DNAH17: variants seen among roughly 807,000 people sequenced by gnomAD.
DNAH17 encodes axonemal beta dynein heavy chain 17.
In DNAH17, 376 loss-of-function variants were observed where a neutral mutation model predicts 485.6. The ratio of observed to expected loss-of-function variants is 0.77; its 90% CI spans 0.71 to 0.84. The LOEUF (loss-of-function observed/expected upper bound fraction) is 0.84. DNAH17 is among the 40% of genes least tolerant of loss of function. DNAH17 has a pLI of 0.00. For synonymous variants in DNAH17, 3,031 were observed against 2,405.9 expected (o/e 1.26, Z -7.60); for missense variants, 6,370 against 5,839.3 (o/e 1.09, Z -2.96).
intron 25 of DNAH17, among the ~76,000 whole-genome samples, chr17:78,518,952 A>ACTGC: frequency 6.6e-6 from 1 of 152,028 alleles, no homozygotes; most frequent in South Asian, 2.1e-4. Flanking sequence ...GCTGATCACA[A>ACTGC]GGTCAGGAGA....
chr17:78,457,991 A>G (rs1382439088), intron 62 of DNAH17, among the ~76,000 whole-genome samples: 3 of 151,194 alleles, frequency 2.0e-5, no homozygotes, highest in Non-Finnish European at 2.9e-5. Context: ...TTTTAGTAAG[A>G]TGGGGTTTCG....
At chr17:78,532,757 G>C (rs1326451839) in intron 19 of DNAH17, 21 bp from the exon 20 acceptor site, 2 of 1,552,168 alleles carry the variant, frequency 1.3e-6, no homozygotes, top group Non-Finnish European at 8.7e-7. Context: ...CAGGGGAGAA[G>C]CAAAAAGGGG....
intron 59 of DNAH17, 38 bp from the exon 60 acceptor site, chr17:78,460,039 G>A (rs778744462): frequency 9.3e-6 from 15 of 1,608,966 alleles, no homozygotes; most frequent in Non-Finnish European, 1.3e-5. Flanking sequence ...ATGGGAGTTT[G>A]GACCGGGTCC....
chr17:78,475,394 G>A lies in DNAH17; in HGVS notation c.8395C>T (p.Leu2799=), dbSNP rs767990092. Reference sequence around the variant, plus strand: ...TTGCCACTGCCGCCCACCCCCACCAGCAGGGCATTCCCCCGGGGAGACTCC... The same window carrying A: ...TTGCCACTGCCGCCCACCCCCACCAACAGGGCATTCCCCCGGGGAGACTCC... ...ILESPRGNAL[L]VGVGGSGKQS... is the part of the protein sequence containing the mutation. Residue 2799 remains leucine (L), a synonymous_variant, in exon 54 of 81, where the codon CTG becomes TTG. Transcript: ENST00000389840. 34 of 1,613,894 alleles carry A rather than the reference G, an allele frequency of 2.1e-5. No individual in the cohort carries two copies. The South Asian group carries it at 3.6e-4, about 17-fold the overall frequency.
At chr17:78,565,401 G>A (rs1399884266) in intron 11 of DNAH17, among the ~76,000 whole-genome samples, 1 of 152,236 alleles carries the variant, frequency 6.6e-6, no homozygotes, top group Non-Finnish European at 1.5e-5. Flanking sequence ...AAACTCTCAT[G>A]TATTTGCATT....
chr17:78,429,008 T>C, intron 76 of DNAH17, 113 bp downstream of exon 76: 1 of 1,163,948 alleles, frequency 8.6e-7, no homozygotes, highest in East Asian at 2.4e-5. Context: ...CTCTCTTATT[T>C]TGGCTGCCTG....
chr17:78,466,762 A>G lies in DNAH17; in HGVS notation c.8833T>C (p.Phe2945Leu). ...GSVLRVRARKFPAVVNCTAID... is the reference protein window; with the variant it reads ...GSVLRVRARKLPAVVNCTAID... ...GCCGTGCAGTTGACCACAGCTGGGA[A>G]CTTTCTGGCTCGTACCCGCAGCACG... The change falls in exon 56 of 81, where the codon TTC (phenylalanine) becomes CTC (leucine). Residue 2945 changes from phenylalanine (F) to leucine (L), a missense_variant. Coordinates refer to ENST00000389840, the MANE Select transcript of DNAH17 (RefSeq NM_173628.4). The G allele has an allele frequency of 6.2e-7, 1 of 1,610,760 alleles. No individual in the cohort carries two copies. Among genetic ancestry groups the G allele is most frequent in the Non-Finnish European group, 8.5e-7 (1 of 1,178,628 alleles).
At chr17:78,563,030 G>T (rs2092190757) in intron 11 of DNAH17, among the ~76,000 whole-genome samples, 1 of 152,198 alleles carries the variant, frequency 6.6e-6, no homozygotes, top group South Asian at 2.1e-4. Context: ...GTCTGAGAAA[G>T]GTGACCACTG....
At chr17:78,484,828 C>A in intron 48 of DNAH17, 40 bp downstream of exon 48, 1 of 1,481,006 alleles carries the variant, frequency 6.8e-7, no homozygotes, top group Non-Finnish European at 9.0e-7. Context: ...CCTCACCGCC[C>A]CGGGGCCACG....
intron 47 of DNAH17, 157 bp from the exon 48 acceptor site, chr17:78,485,190 G>A: frequency 1.1e-6 from 1 of 914,446 alleles, no homozygotes; most frequent in Non-Finnish European, 1.6e-6. Context: ...GGCCCTTGAG[G>A]GGGCACCGGG....
Position 78,515,062 on chromosome 17 carries a change from AAGG to A in DNAH17, c.3865-43_3865-41del, listed in dbSNP as rs557799662. ...TCCCGTTTCTCCTTCCACTCTCATC[AAGG>A]AGAATTCAGGAAGAAAACCCTCTTA... On this transcript the variant is annotated intron_variant, in intron 25 of 80. Coordinates refer to ENST00000389840, the MANE Select transcript of DNAH17 (RefSeq NM_173628.4). 12 of 1,607,098 alleles carry A rather than the reference AAGG, an allele frequency of 7.5e-6. No homozygotes were observed. In the African/African-American group the frequency reaches 1.3e-4, roughly 18 times the overall value.
Position 78,494,079 on chromosome 17 carries a change from T to G in DNAH17, c.6365A>C (p.His2122Pro). ...CGCATTCCCGACGATGAACACGGAG[T>G]GGCGGACCTGCAGCAGCTCCTCCAG... ...VQLEELLQVR[H>P]SVFIVGNAGS... The change falls in exon 41 of 81, where the codon CAC (histidine) becomes CCC (proline). Residue 2122 changes from histidine to proline, a missense_variant. Transcript: ENST00000389840. 1 of 1,612,324 alleles carries G rather than the reference T, an allele frequency of 6.2e-7. No homozygotes were observed. The highest frequency in any genetic ancestry group is 8.5e-7 in the Non-Finnish European group (1 of 1,179,678).
intron 62 of DNAH17, among the ~76,000 whole-genome samples, chr17:78,456,440 G>A (rs1037252850): frequency 6.6e-6 from 1 of 152,214 alleles, no homozygotes; most frequent in African/African-American, 2.4e-5. Context: ...GATGCCATTT[G>A]ATTGCCTCTC....
At chr17:78,459,695 C>G in intron 60 of DNAH17, 89 bp downstream of exon 60, 4 of 1,453,770 alleles carry the variant, frequency 2.8e-6, no homozygotes, top group Non-Finnish European at 3.8e-6. Flanking sequence ...GCCCCAAGAG[C>G]CTGAGGCCAT....
chr17:78,550,637 C>T lies in DNAH17; in HGVS notation c.2391+898G>A, dbSNP rs562285854. Among the ~76,000 whole-genome samples the T allele has an allele frequency of 1.7e-4, 26 of 152,230 alleles. 1 individual carries two copies. In the South Asian group the frequency reaches 5.2e-3, roughly 30 times the overall value. On this transcript the variant is annotated intron_variant, in intron 16 of 80. Coordinates refer to ENST00000389840, the MANE Select transcript of DNAH17 (RefSeq NM_173628.4). ...GAGAGTCCTGGGGGAGCCAACCCTG[C>T]CGACACCTTAACCTTGGCCTTCCAG...
At chr17:78,503,968 A>C (rs1166023351) in intron 31 of DNAH17, among the ~76,000 whole-genome samples, 1 of 145,082 alleles carries the variant, frequency 6.9e-6, no homozygotes, top group African/African-American at 2.6e-5. Flanking sequence ...CTCCATCTCA[A>C]AAACAAACAA....
At chr17:78,494,200 G>A (rs778912014) in intron 40 of DNAH17, 27 bp from the exon 41 acceptor site, 4 of 1,596,496 alleles carry the variant, frequency 2.5e-6, no homozygotes, top group South Asian at 1.1e-5. Flanking sequence ...GAGGCTGGGT[G>A]AGGAACTGAA....
At chr17:78,556,587 G>C (rs961613686) in intron 14 of DNAH17, among the ~76,000 whole-genome samples, 1 of 152,106 alleles carries the variant, frequency 6.6e-6, no homozygotes, top group African/African-American at 2.4e-5. Context: ...ACAAATGGTC[G>C]CCTTTCCCAG....
In DNAH17 at chr17:78,459,049, C is replaced by G. The variant is rs1395374198; in HGVS notation, c.9813G>C (p.Glu3271Asp). 6.2e-7 allele frequency: 1 copy of G among 1,614,068 alleles called. No homozygotes were observed. The highest frequency in any genetic ancestry group is 1.1e-5 in the South Asian group (1 of 91,090). Reference protein sequence around the residue: ...KRQALEEANAELAEAQEKLSR... With the variant: ...KRQALEEANADLAEAQEKLSR... ...ACAGCTTCTCTTGTGCCTCTGCCAG[C>G]TCTGCATTAGCCTCCTCCAGTGCCT... The change falls in exon 61 of 81, where the codon GAG becomes GAC. Residue 3271 changes from glutamate to aspartate, a missense_variant. By Grantham distance (45) the Glu-to-Asp change is conservative. Transcript: ENST00000389840.
Sources: allele counts gnomAD v4.1 joint callset (sites outside exome capture counted in the v4.1 genomes callset), GRCh38; gene constraint gnomAD v4.1.1; transcripts MANE v1.5; gene names NCBI Gene and HGNC (gene_info 2026-07-23, HGNC 2026-07-21).